CCDC15: variants seen among roughly 807,000 people sequenced by gnomAD.
CCDC15 encodes the protein coiled-coil domain-containing protein 15.
A neutral mutation model predicts 114.5 loss-of-function variants in CCDC15; 105 were observed. That is an observed-to-expected ratio of 0.92 (90% CI 0.78 to 1.08). The LOEUF is 1.08. CCDC15 is among the 50% of genes least tolerant of loss of function. CCDC15 has a pLI of 0.00. For synonymous variants in CCDC15, 334 were observed against 377.8 expected, an observed-to-expected ratio of 0.88 and a Z score of 1.34; for missense variants, 1,105 against 1,093.6, an observed-to-expected ratio of 1.01 and a Z score of -0.15.
intron 6 of CCDC15, 124 bp from the exon 7 acceptor site, chr11:124,986,618 A>G (rs1175586401): frequency 1.8e-6 from 2 of 1,099,422 alleles, no homozygotes; most frequent in Non-Finnish European, 2.5e-6. Context: ...CCTGAAGCCT[A>G]GAATTTTATT....
chr11:124,976,976 T>G (rs1337944448), intron 5 of CCDC15, among the ~76,000 whole-genome samples: 1 of 152,156 alleles, frequency 6.6e-6, no homozygotes, highest in Non-Finnish European at 1.5e-5. Context: ...ATTTTTCTTA[T>G]TACTTGTATC....
intron 13 of CCDC15, among the ~76,000 whole-genome samples, chr11:125,026,004 A>T (rs1172638509): frequency 1.3e-5 from 2 of 152,018 alleles, no homozygotes; most frequent in African/African-American, 2.4e-5. Flanking sequence ...CTCCTCAAGC[A>T]AAAGATAGGC....
chr11:125,000,482 T>A (rs1948460997), intron 11 of CCDC15, among the ~76,000 whole-genome samples: 1 of 152,162 alleles, frequency 6.6e-6, no homozygotes, highest in African/African-American at 2.4e-5. Flanking sequence ...AGGGGGTAGA[T>A]CCCAGGAGCT....
chr11:125,016,654 A>G (rs185404393), intron 13 of CCDC15, among the ~76,000 whole-genome samples: 2 of 152,306 alleles, frequency 1.3e-5, no homozygotes, highest in Admixed American at 6.5e-5. Context: ...TGTATTGCTC[A>G]TATGTAAGCA....
In CCDC15 at chr11:124,996,373, A is replaced by G. The variant is rs77968122; in HGVS notation, c.2214+3130A>G. On this transcript the variant is annotated intron_variant, in intron 11 of 15. Coordinates refer to ENST00000344762, the MANE Select transcript of CCDC15 (RefSeq NM_025004.3). ...AACCATTTACTTTCTTTTTGTTGCT[A>G]TTATTACTTATTCCTACTATCTCAG... Among the ~76,000 whole-genome samples, 65 of 152,204 alleles carry G rather than the reference A, an allele frequency of 4.3e-4. 1 individual carries two copies. Among genetic ancestry groups the G allele is most frequent in the East Asian group, 3.9e-3 (20 of 5,172 alleles).
chr11:124,963,202 T>C (rs1169337960), intron 4 of CCDC15, among the ~76,000 whole-genome samples: 1 of 152,234 alleles, frequency 6.6e-6, no homozygotes, highest in African/African-American at 2.4e-5. Flanking sequence ...TTCTAGATCC[T>C]TGAGGAATCG....
chr11:125,011,105 G>C (rs1328651996), intron 13 of CCDC15, among the ~76,000 whole-genome samples: 1 of 151,434 alleles, frequency 6.6e-6, no homozygotes, highest in Non-Finnish European at 1.5e-5. Context: ...CCTTTTCAAT[G>C]CTATTTCATC....
intron 13 of CCDC15, among the ~76,000 whole-genome samples, chr11:125,027,977 T>C (rs1363711809): frequency 6.6e-6 from 1 of 152,178 alleles, no homozygotes; most frequent in African/African-American, 2.4e-5. Flanking sequence ...TCCAACGCAA[T>C]TTACTGAACA....
chr11:124,984,353 G>C (rs941078962), intron 6 of CCDC15, among the ~76,000 whole-genome samples: 1 of 152,066 alleles, frequency 6.6e-6, no homozygotes, highest in Admixed American at 6.5e-5. Flanking sequence ...GAGGCACCCC[G>C]GTGGGCATCT....
chr11:124,969,893 C>T (rs148276027), intron 4 of CCDC15, among the ~76,000 whole-genome samples: 1 of 152,172 alleles, frequency 6.6e-6, no homozygotes, highest in East Asian at 1.9e-4. Flanking sequence ...CTCCAGTGAC[C>T]CCAAGAGCAT....
chr11:124,971,524 G>A (rs1947880966), intron 4 of CCDC15, among the ~76,000 whole-genome samples: 1 of 152,024 alleles, frequency 6.6e-6, no homozygotes, highest in Admixed American at 6.5e-5. Flanking sequence ...ATATTCCTGA[G>A]GTCTGATATA....
At position 125,000,458 on chromosome 11, in the gene CCDC15, C is replaced by G. The variant is rs111337622; in HGVS notation, c.2215-3409C>G. Among the ~76,000 whole-genome samples, 58 of 152,182 alleles carry G rather than the reference C, an allele frequency of 3.8e-4. 1 individual carries two copies. Among genetic ancestry groups the G allele is most frequent in the African/African-American group, 1.3e-3 (53 of 41,520 alleles). On this transcript the variant is annotated intron_variant, in intron 11 of 15. Transcript: ENST00000344762. ...TAGCTCACTTCTCTCTAGGTTACCC[C>G]CTATGCTCTCCATAGGGGGTAGATC...
chr11:124,987,209 T>A lies in CCDC15; in HGVS notation c.983T>A (p.Ile328Asn). 2 of 1,537,354 alleles carry A rather than the reference T, an allele frequency of 1.3e-6. No individual in the cohort carries two copies. The highest frequency in any genetic ancestry group is 2.6e-5 in the South Asian group (2 of 75,988). The change falls in exon 8 of 16, where the codon ATT becomes AAT. Residue 328 changes from isoleucine to asparagine, a missense_variant. Ile to Asn is a moderately radical substitution (Grantham distance 149). Coordinates refer to ENST00000344762, the MANE Select transcript of CCDC15 (RefSeq NM_025004.3). ...TTACATTTTGAGGGCCTTCAGGATA[T>A]TCTGCCAGAAGCCCAGGATTATTTT... Reference protein sequence around the residue: ...KQLHFEGLQDILPEAQDYFLE... With the variant: ...KQLHFEGLQDNLPEAQDYFLE...
At chr11:125,002,732 T>C (rs1246406101) in intron 11 of CCDC15, among the ~76,000 whole-genome samples, 1 of 152,160 alleles carries the variant, frequency 6.6e-6, no homozygotes, top group Non-Finnish European at 1.5e-5. Context: ...TTCTGAACTC[T>C]CACTTTTATT....
At chr11:125,009,936 G>C (rs12798269) in intron 13 of CCDC15, among the ~76,000 whole-genome samples, 28,580 of 152,106 alleles carry the variant, frequency 0.19, 3,063 homozygotes, top group African/African-American at 0.28. Context: ...CTGTGTCTTT[G>C]CTGTTTTGAA....
Position 124,987,271 on chromosome 11 carries a change from G to C in CCDC15, c.1045G>C (p.Asp349His). 1 of 1,590,308 alleles carries C rather than the reference G, an allele frequency of 6.3e-7. No homozygotes were observed. Among genetic ancestry groups the C allele is most frequent in the African/African-American group, 1.4e-5 (1 of 73,792 alleles). The change falls in exon 8 of 16, where the codon GAT (aspartate) becomes CAT (histidine). Residue 349 changes from aspartate to histidine, a missense_variant. Coordinates refer to ENST00000344762, the MANE Select transcript of CCDC15 (RefSeq NM_025004.3). ...AGGTGATTTGCTGGAAACCCAGGGT[G>C]ATTTGACAGGAATCCAGAGTGTTAA... is the stretch of plus-strand genomic sequence containing the variant. ...AQGDLLETQG[D>H]LTGIQSVKPD...
intron 4 of CCDC15, among the ~76,000 whole-genome samples, chr11:124,971,999 A>G (rs1328252884): frequency 2.0e-5 from 3 of 152,148 alleles, no homozygotes; most frequent in African/African-American, 7.2e-5. Flanking sequence ...GCTTAGATCT[A>G]TATTAAACAT....
chr11:125,015,726 T>C (rs1948624791), intron 13 of CCDC15, among the ~76,000 whole-genome samples: 1 of 152,202 alleles, frequency 6.6e-6, no homozygotes, highest in Non-Finnish European at 1.5e-5. Context: ...GGAATATTTC[T>C]CAAATAAAGC....
At chr11:124,997,897 G>T (rs1220045297) in intron 11 of CCDC15, among the ~76,000 whole-genome samples, 1 of 152,034 alleles carries the variant, frequency 6.6e-6, no homozygotes, top group Non-Finnish European at 1.5e-5. Context: ...AGCCGAGATC[G>T]CACCACTACA....
Sources: allele counts gnomAD v4.1 joint callset (sites outside exome capture counted in the v4.1 genomes callset), GRCh38; gene constraint gnomAD v4.1.1; transcripts MANE v1.5; gene names NCBI Gene and HGNC (gene_info 2026-07-23, HGNC 2026-07-21).